TNRC6C: variants seen among roughly 807,000 people sequenced by gnomAD.
The protein encoded by TNRC6C is trinucleotide repeat containing adaptor 6C, also known as trinucleotide repeat-containing gene 6C protein.
In TNRC6C, 20 loss-of-function variants were observed where a neutral mutation model predicts 153.7. The observed-to-expected ratio is 0.13, with a 90% CI of 0.09 to 0.19. TNRC6C has a LOEUF of 0.19. Among genes scored for constraint, TNRC6C ranks in the 10% least tolerant of loss-of-function variants. The pLI is 1.00. For missense variants in TNRC6C, 1,987 were observed against 2,172.0 expected (o/e 0.91, Z 1.69); for synonymous variants, 811 against 841.4 (o/e 0.96, Z 0.63).
upstream of TNRC6C, chr17:78,004,324 A>G (rs1304341767): frequency 4.1e-6 from 5 of 1,231,400 alleles, no homozygotes; most frequent in Non-Finnish European, 4.0e-6. Context: ...TCTCATTTGC[A>G]TCATCATAGC....
chr17:78,020,370 T>C (rs1430609111), intron 1 of TNRC6C, among the ~76,000 whole-genome samples: 1 of 152,232 alleles, frequency 6.6e-6, no homozygotes, highest in Non-Finnish European at 1.5e-5. Flanking sequence ...TTTCTGTTTG[T>C]AAAATAATGT....
At chr17:78,080,563 T>C (rs1253985992) in intron 10 of TNRC6C, among the ~76,000 whole-genome samples, 2 of 152,276 alleles carry the variant, frequency 1.3e-5, no homozygotes, top group East Asian at 3.8e-4. Flanking sequence ...TGTTTATTTT[T>C]AGCACATTTT....
chr17:78,022,178 A>T (rs1304380918), intron 1 of TNRC6C, among the ~76,000 whole-genome samples: 1 of 152,176 alleles, frequency 6.6e-6, no homozygotes, highest in Admixed American at 6.6e-5. Context: ...GGGCATTCTT[A>T]CTTCACCTGC....
At chr17:78,100,833 T>A (rs568641733) in intron 17 of TNRC6C, among the ~76,000 whole-genome samples, 1 of 141,798 alleles carries the variant, frequency 7.1e-6, no homozygotes, top group African/African-American at 2.7e-5. Context: ...CGGAGTACAG[T>A]GGCGTGATCT....
At position 78,012,753 on chromosome 17, in the gene TNRC6C, G is replaced by C. The variant is rs140982053; in HGVS notation, c.-546+7674G>C. On this transcript the variant is annotated intron_variant, in intron 1 of 19. Coordinates refer to ENST00000301624, the Ensembl canonical transcript of TNRC6C. ...AAGAAATTTTACAATGTTGGCAGCA[G>C]AGGAGCTGCTGAGTGAGGTGGTGGC... 8.7e-3 allele frequency among the ~76,000 whole-genome samples: 1,318 copies of C among 152,332 alleles called. 13 individuals are homozygous for C. Among genetic ancestry groups the C allele is most frequent in the South Asian group, 0.038 (184 of 4,828 alleles).
Position 78,086,956 on chromosome 17 carries a change from C to T in TNRC6C, c.3665C>T (p.Pro1222Leu), listed in dbSNP as rs746097034. Residue 1222 changes from proline (P) to leucine (L), a missense_variant, in exon 13 of 20, where the codon CCG becomes CTG. Pro to Leu is a moderately conservative substitution (Grantham distance 98). Around this residue, in one of 4 missense-constraint regions of TNRC6C, gnomAD observed 765 missense variants for 908.6 expected, o/e 0.84. Coordinates refer to ENST00000301624, the Ensembl canonical transcript of TNRC6C. Reference sequence around the variant, plus strand: ...CAGCCACCACCGCCACCGCCCCCGCCGCACCTGTCTCTGCACCCCTCTGCA... The same window carrying T: ...CAGCCACCACCGCCACCGCCCCCGCTGCACCTGTCTCTGCACCCCTCTGCA... The T allele has an allele frequency of 7.4e-6, 12 of 1,613,490 alleles. No individual in the cohort carries two copies. Among genetic ancestry groups the T allele is most frequent in the South Asian group, 4.4e-5 (4 of 91,086 alleles).
intron 1 of TNRC6C, among the ~76,000 whole-genome samples, chr17:77,984,147 T>C (rs959852683): frequency 6.6e-6 from 1 of 152,154 alleles, no homozygotes; most frequent in African/African-American, 2.4e-5. Flanking sequence ...TGTAGACATT[T>C]CCCTTTGGTG....
At chr17:78,098,259 C>T in intron 16 of TNRC6C, 84 bp from the exon 20 acceptor site, 2 of 1,319,798 alleles carry the variant, frequency 1.5e-6, no homozygotes, top group Non-Finnish European at 2.1e-6. Context: ...TGTTAGAGAG[C>T]ACTCTGTGTG....
chr17:77,960,735 G>A (rs1003863962), intron 1 of TNRC6C, among the ~76,000 whole-genome samples: 11 of 152,280 alleles, frequency 7.2e-5, no homozygotes, highest in African/African-American at 2.6e-4. Context: ...GGTGGCAATG[G>A]TCTTTGAGCA....
At chr17:78,050,115 C>A (rs1451831503) in exon 3 of TNRC6C, 2 of 1,606,978 alleles carry the variant, frequency 1.2e-6, no homozygotes, top group Non-Finnish European at 8.5e-7. Flanking sequence ...ACCAGCATTC[C>A]AACAGTGACA....
exon 3 of TNRC6C, chr17:78,051,430 T>C (rs1343508589): frequency 1.3e-6 from 2 of 1,520,660 alleles, no homozygotes; most frequent in African/African-American, 1.4e-5. Flanking sequence ...GCTGAATCGA[T>C]CACCGTTGCT....
intron 17 of TNRC6C, among the ~76,000 whole-genome samples, chr17:78,099,669 G>T (rs2073554149): frequency 6.6e-6 from 1 of 152,166 alleles, no homozygotes; most frequent in Non-Finnish European, 1.5e-5. Context: ...ATGAGATTTG[G>T]GTGGGGACAC....
chr17:78,077,411 T>TA lies in TNRC6C; in HGVS notation c.3210+78dup, dbSNP rs1455645261. ...AAAAAATGTGTTTGAGACATAAACT[T>TA]ACTTATTTATAGTTAATACCTCTAT... On this transcript the variant is annotated intron_variant, in intron 9 of 19. Transcript: ENST00000301624. 3 of 1,513,418 alleles carry TA rather than the reference T, an allele frequency of 2.0e-6. No individual in the cohort carries two copies. The East Asian group carries it at 7.4e-5, about 37-fold the overall frequency. The allele number at this position is 1,513,418 out of a possible 1,614,324, so 93.7% of individuals were successfully genotyped here. A position where few individuals can be genotyped will look rare whatever the true frequency, so the allele number is the denominator to read the frequency against.
At chr17:78,082,848 C>T (rs2073207387) in intron 10 of TNRC6C, among the ~76,000 whole-genome samples, 199 bp from the exon 13 acceptor site, 1 of 152,326 alleles carries the variant, frequency 6.6e-6, no homozygotes, top group East Asian at 1.9e-4. Context: ...CCCAACCTTG[C>T]ATTGTCTTTA....
chr17:78,006,473 T>TTTCTTC (rs201839982), intron 1 of TNRC6C, among the ~76,000 whole-genome samples: 3 of 150,912 alleles, frequency 2.0e-5, no homozygotes, highest in Non-Finnish European at 4.4e-5. Context: ...GGATCATCCA[T>TTTCTTC]TTCTTCTTCT....
At chr17:78,039,478 C>G (rs949722474) in intron 2 of TNRC6C, among the ~76,000 whole-genome samples, 1 of 152,204 alleles carries the variant, frequency 6.6e-6, no homozygotes, top group South Asian at 2.1e-4. Context: ...ACCAAGACTT[C>G]TAATACTTGC....
At chr17:78,086,395 G>A in intron 11 of TNRC6C, 108 bp from the exon 14 acceptor site, 3 of 818,062 alleles carry the variant, frequency 3.7e-6, no homozygotes, top group Admixed American at 5.0e-5. Context: ...GCCAAGAAGA[G>A]TGGCTAGGTT....
upstream of TNRC6C, among the ~76,000 whole-genome samples, chr17:78,003,140 A>G (rs1163623408): frequency 6.6e-6 from 1 of 152,190 alleles, no homozygotes; most frequent in Non-Finnish European, 1.5e-5. Flanking sequence ...GGGAAACTAC[A>G]TGTTTTGGCA....
At chr17:78,014,679 G>A (rs1469712224) in intron 1 of TNRC6C, among the ~76,000 whole-genome samples, 1 of 150,418 alleles carries the variant, frequency 6.6e-6, no homozygotes, top group African/African-American at 2.5e-5. Flanking sequence ...AGAGGTAACT[G>A]TAATATGCTA....
Sources: gnomAD v4.1 joint callset for allele counts (sites outside exome capture counted in the v4.1 genomes callset) on GRCh38, gnomAD v4.1.1 for gene constraint, gnomAD v4.1.1 regional missense constraint, MANE v1.5 for transcripts, NCBI Gene and HGNC (gene_info 2026-07-23, HGNC 2026-07-21) for gene names.